GNAQ: variants seen among roughly 807,000 people sequenced by gnomAD.
The protein encoded by GNAQ is guanine nucleotide-binding protein G(q) subunit alpha.
GNAQ carries 8 observed loss-of-function variants against 43.9 expected under a neutral mutation model. That is an observed-to-expected ratio of 0.18 (90% CI 0.11 to 0.33). The LOEUF is 0.33. GNAQ is among the 10% of genes least tolerant of loss of function. The pLI, the probability that GNAQ is intolerant of heterozygous loss-of-function variation, is 1.00. For synonymous variants in GNAQ, 155 were observed against 170.7 expected (o/e 0.91, Z 0.71); for missense variants, 158 against 450.8 (o/e 0.35, Z 5.88).
intron 1 of GNAQ, among the ~76,000 whole-genome samples, chr9:77,945,627 G>A (rs911528938): frequency 1.3e-5 from 2 of 152,096 alleles, no homozygotes; most frequent in Non-Finnish European, 2.9e-5. Flanking sequence ...AAAAAAACCC[G>A]GTTGCCCTAA....
intron 2 of GNAQ, among the ~76,000 whole-genome samples, chr9:77,839,824 C>T (rs990105840): frequency 2.0e-5 from 3 of 152,200 alleles, no homozygotes; most frequent in Non-Finnish European, 4.4e-5. Flanking sequence ...CTGAAAAATA[C>T]ATAAGAACTA....
At chr9:77,733,128 C>T (rs573751673) in intron 5 of GNAQ, among the ~76,000 whole-genome samples, 2 of 152,266 alleles carry the variant, frequency 1.3e-5, no homozygotes, top group South Asian at 4.1e-4. Flanking sequence ...CAATCCTTGG[C>T]CCTGAGGGAG....
At chr9:77,838,670 G>A (rs1295698680) in intron 2 of GNAQ, among the ~76,000 whole-genome samples, 1 of 151,742 alleles carries the variant, frequency 6.6e-6, no homozygotes. Context: ...CACCCACCTC[G>A]GCCTTGCAAA....
chr9:77,756,885 G>A (rs1825912253), intron 5 of GNAQ, among the ~76,000 whole-genome samples: 1 of 152,080 alleles, frequency 6.6e-6, no homozygotes, highest in African/African-American at 2.4e-5. Flanking sequence ...TGTTATTCTT[G>A]TTCCCATGAG....
intron 5 of GNAQ, among the ~76,000 whole-genome samples, chr9:77,757,220 A>ATAGAT (rs1021985201): frequency 2.6e-5 from 4 of 152,188 alleles, no homozygotes; most frequent in Non-Finnish European, 4.4e-5. Flanking sequence ...TGTCTTCCAA[A>ATAGAT]TAGATAAGAA....
chr9:77,745,549 T>G (rs1336242233), intron 5 of GNAQ, among the ~76,000 whole-genome samples: 1 of 150,784 alleles, frequency 6.6e-6, no homozygotes, highest in Non-Finnish European at 1.5e-5. Flanking sequence ...GTTTGGAGAA[T>G]AAAAAGATCT....
intron 1 of GNAQ, among the ~76,000 whole-genome samples, chr9:77,941,029 A>C (rs569556312): frequency 1.3e-5 from 2 of 152,370 alleles, no homozygotes; most frequent in East Asian, 3.9e-4. Context: ...AATTGGAAAA[A>C]AAAGTAACAA....
chr9:77,743,991 G>T (rs1200684973), intron 5 of GNAQ, among the ~76,000 whole-genome samples: 2 of 152,118 alleles, frequency 1.3e-5, no homozygotes. Flanking sequence ...ATAGCAATTC[G>T]GATCAGAGTG....
chr9:77,861,009 T>C (rs1415074816), intron 2 of GNAQ, among the ~76,000 whole-genome samples: 1 of 152,224 alleles, frequency 6.6e-6, no homozygotes, highest in Non-Finnish European at 1.5e-5. Context: ...TCCATTTTCA[T>C]GCTGCTGATG....
intron 5 of GNAQ, among the ~76,000 whole-genome samples, chr9:77,771,549 T>C (rs1019983508): frequency 5.3e-5 from 8 of 152,226 alleles, no homozygotes; most frequent in African/African-American, 1.7e-4. Context: ...CAAGGATGTC[T>C]GCAGCTCTCT....
chr9:77,892,458 C>A (rs1828421683), intron 2 of GNAQ, among the ~76,000 whole-genome samples: 2 of 152,278 alleles, frequency 1.3e-5, no homozygotes, highest in African/African-American at 4.8e-5. Context: ...TCTATCACAC[C>A]CACACTGGTT....
At chr9:78,004,112 C>T (rs1310595862) in intron 1 of GNAQ, among the ~76,000 whole-genome samples, 1 of 151,758 alleles carries the variant, frequency 6.6e-6, no homozygotes, top group Admixed American at 6.6e-5. Flanking sequence ...ACCTCGCTGC[C>T]TGAGGACTTT....
In GNAQ at chr9:77,717,551, G is replaced by T. The variant is rs1825244060; in HGVS notation, c.*3772C>A. 4 of 232,058 alleles carry T rather than the reference G, an allele frequency of 1.7e-5. No individual in the cohort carries two copies. The South Asian group carries it at 7.3e-4, about 42-fold the overall frequency. The allele number at this position is 232,058 out of a possible 1,614,324, so 14.4% of individuals were successfully genotyped here. On this transcript the variant is annotated 3_prime_UTR_variant, in exon 7 of 7. Transcript: ENST00000286548. ...AATAAGTCATTTTGACCCAAATCCA[G>T]CATAAATAGCTTTTCACCAATTCCT...
Position 77,876,406 on chromosome 9 carries a change from C to T in GNAQ, c.321+45755G>A, listed in dbSNP as rs78250588. 5.6e-3 allele frequency among the ~76,000 whole-genome samples: 858 copies of T among 152,340 alleles called. 6 individuals are homozygous for T. The highest frequency in any genetic ancestry group is 0.02 in the African/African-American group (812 of 41,574). On this transcript the variant is annotated intron_variant, in intron 2 of 6. Transcript: ENST00000286548. ...CAAGCTGCTTAATCACTCTATTCCACAGAATGACAACAAATTTCCTTTTTA... is the reference window on the plus strand; with the variant it reads ...CAAGCTGCTTAATCACTCTATTCCATAGAATGACAACAAATTTCCTTTTTA...
At chr9:77,887,659 A>C (rs1183027654) in intron 2 of GNAQ, among the ~76,000 whole-genome samples, 1 of 152,174 alleles carries the variant, frequency 6.6e-6, no homozygotes, top group African/African-American at 2.4e-5. Flanking sequence ...TAATCTTCTA[A>C]TCCCCCCAGT....
chr9:77,758,778 A>G (rs1022146101), intron 5 of GNAQ, among the ~76,000 whole-genome samples: 5 of 152,168 alleles, frequency 3.3e-5, no homozygotes. Context: ...AAAGAGCTTG[A>G]GTAATTTTCT....
intron 2 of GNAQ, among the ~76,000 whole-genome samples, chr9:77,833,347 G>A (rs954834536): frequency 5.3e-5 from 8 of 152,162 alleles, no homozygotes; most frequent in African/African-American, 1.4e-4. Flanking sequence ...TTGGGCAGTC[G>A]AATTCCCTAA....
At chr9:77,948,557 C>T (rs1318838812) in intron 1 of GNAQ, among the ~76,000 whole-genome samples, 1 of 152,136 alleles carries the variant, frequency 6.6e-6, no homozygotes, top group Non-Finnish European at 1.5e-5. Flanking sequence ...GGAGGGCAGC[C>T]TAGGCCTGTG....
intron 1 of GNAQ, among the ~76,000 whole-genome samples, chr9:77,970,454 G>A (rs1220782070): frequency 6.6e-6 from 1 of 152,158 alleles, no homozygotes; most frequent in African/African-American, 2.4e-5. Context: ...AGGCAGTATG[G>A]TGGGCTATAA....
Sources: gnomAD v4.1 joint callset for allele counts (sites outside exome capture counted in the v4.1 genomes callset) on GRCh38, gnomAD v4.1.1 for gene constraint, MANE v1.5 for transcripts, NCBI Gene and HGNC (gene_info 2026-07-23, HGNC 2026-07-21) for gene names.